Variants in PSMD11 observed in about 807,000 individuals in gnomAD.
PSMD11 encodes proteasome 26S subunit, non-ATPase 11, also known as 26S proteasome non-ATPase regulatory subunit 11.
A neutral mutation model predicts 62.3 loss-of-function variants in PSMD11; 5 were observed. The observed-to-expected ratio is 0.08, with a 90% CI of 0.04 to 0.17. The LOEUF is 0.17. Ranked by LOEUF, PSMD11 falls within the 10% of genes least tolerant of loss-of-function variation. The pLI is 1.00. For synonymous variants in PSMD11, 191 were observed against 191.8 expected, an observed-to-expected ratio of 1.00 and a Z score of 0.03; for missense variants, 310 against 512.9, an observed-to-expected ratio of 0.60 and a Z score of 3.82.
intron 9 of PSMD11, 49 bp downstream of exon 9, chr17:32,477,632 G>A (rs768576284): frequency 7.5e-6 from 11 of 1,457,472 alleles, no homozygotes; most frequent in Middle Eastern, 1.7e-4. Flanking sequence ...AGAGAGGGAC[G>A]TTTAAGTACT....
chr17:32,450,119 C>G (rs561459875), intron 2 of PSMD11, among the ~76,000 whole-genome samples: 5 of 152,238 alleles, frequency 3.3e-5, no homozygotes, highest in African/African-American at 1.2e-4. Flanking sequence ...CACCACCACC[C>G]CCGGTTAATT....
chr17:32,468,311 C>G (rs1908057087), intron 5 of PSMD11, among the ~76,000 whole-genome samples: 1 of 151,884 alleles, frequency 6.6e-6, no homozygotes, highest in Non-Finnish European at 1.5e-5. Flanking sequence ...CGATGACGTC[C>G]TTTGAAGTAC....
At chr17:32,453,835 G>C (rs1041134984) in intron 2 of PSMD11, among the ~76,000 whole-genome samples, 1 of 152,142 alleles carries the variant, frequency 6.6e-6, no homozygotes, top group African/African-American at 2.4e-5. Context: ...CTCTGTGATG[G>C]ATCCCTTTTT....
Position 32,454,697 on chromosome 17 carries a change from T to C in PSMD11, c.318+78T>C, listed in dbSNP as rs143100533. The C allele has an allele frequency of 1.8e-3, 2,623 of 1,493,636 alleles. 12 individuals are homozygous for C. The highest frequency in any genetic ancestry group is 1.6e-3 in the Non-Finnish European group (1,785 of 1,093,318). The allele number at this position is 1,493,636 out of a possible 1,614,324, so 92.5% of individuals were successfully genotyped here. ...AAGAAAGAAATGCCTACCTGCACTT[T>C]AGTACTAATGTGGAAGGGAAAACTG... On this transcript the variant is annotated intron_variant, in intron 3 of 13. Coordinates refer to ENST00000261712, the MANE Select transcript of PSMD11 (RefSeq NM_002815.4).
At chr17:32,461,416 C>T (rs564183211) in intron 3 of PSMD11, among the ~76,000 whole-genome samples, 1 of 151,714 alleles carries the variant, frequency 6.6e-6, no homozygotes, top group Non-Finnish European at 1.5e-5. Context: ...ACTAAAAATA[C>T]GAAAGTTAGC....
At chr17:32,477,729 C>A in intron 9 of PSMD11, 146 bp downstream of exon 9, 1 of 558,382 alleles carries the variant, frequency 1.8e-6, no homozygotes. Flanking sequence ...GTATTAAAAC[C>A]AGGAAATAGT....
rs763761104 is a variant in PSMD11, at chr17:32,473,935, A to G, written c.778A>G (p.Met260Val). 9.9e-6 allele frequency: 16 copies of G among 1,614,050 alleles called. No homozygotes were observed. Among genetic ancestry groups the G allele is most frequent in the Admixed American group, 3.3e-5 (2 of 60,000 alleles). ...GAAGTACATGTTGCTGTGCAAAATC[A>G]TGCTCAACACGTAGGTGCACCTTAA... Reference protein sequence around the residue: ...SLKYMLLCKIMLNTPEDVQAL... With the variant: ...SLKYMLLCKIVLNTPEDVQAL... The change falls in exon 7 of 14, where the codon ATG becomes GTG. Residue 260 changes from methionine to valine, a missense_variant. This residue lies in a region of PSMD11 where 47 missense variants were observed against 117.7 expected (regional missense o/e 0.40). Transcript: ENST00000261712.
chr17:32,474,832 C>T lies in PSMD11; in HGVS notation c.849+8C>T. On this transcript the variant is annotated splice_region_variant and intron_variant, in intron 8 of 13. Coordinates refer to ENST00000261712, the MANE Select transcript of PSMD11 (RefSeq NM_002815.4). ...CGGTATGCAGGGAGGCAGGTAGGGA[C>T]TCCCTTGACTGCAGTTCTGCTCACT... 6.2e-7 allele frequency: 1 copy of T among 1,612,432 alleles called. No homozygotes were observed. Among genetic ancestry groups the T allele is most frequent in the Middle Eastern group, 1.7e-4 (1 of 6,060 alleles).
rs377580898 is a variant in PSMD11 at position 32,464,113 on chromosome 17, C to T, written c.383C>T (p.Ala128Val). The part of the protein sequence containing the change: ...KSEKRTFLRQ[A>V]LEARLVSLYF... ...GAGAAAAGAACTTTCTTACGCCAAG[C>T]TTTGGAGGTAGGTTTTACATTAGTA... is the stretch of plus-strand genomic sequence containing the variant. The change falls in exon 4 of 14, where the codon GCT becomes GTT. Residue 128 changes from alanine to valine, a missense_variant. This residue lies in a region of PSMD11 where 47 missense variants were observed against 59.0 expected (regional missense o/e 0.80). Coordinates refer to ENST00000261712, the MANE Select transcript of PSMD11 (RefSeq NM_002815.4). The T allele has an allele frequency of 1.2e-6, 2 of 1,613,536 alleles. No individual in the cohort carries two copies. Among genetic ancestry groups the T allele is most frequent in the Non-Finnish European group, 1.7e-6 (2 of 1,179,612 alleles).
chr17:32,456,588 G>GTT (rs1298464095), intron 3 of PSMD11, among the ~76,000 whole-genome samples: 12 of 152,250 alleles, frequency 7.9e-5, no homozygotes, highest in African/African-American at 2.9e-4. Flanking sequence ...GGAGTGCAGT[G>GTT]GCACGATCTC....
intron 6 of PSMD11, among the ~76,000 whole-genome samples, chr17:32,470,612 C>G (rs1908137899): frequency 6.6e-6 from 1 of 152,234 alleles, no homozygotes; most frequent in Non-Finnish European, 1.5e-5. Context: ...CAATAAACCT[C>G]ATGTGCCAGC....
In PSMD11 at chr17:32,469,202, C is replaced by T. The variant is rs763055433; in HGVS notation, c.643+9C>T. 4.5e-5 allele frequency: 72 copies of T among 1,608,010 alleles called. No homozygotes were observed. Among genetic ancestry groups the T allele is most frequent in the South Asian group, 8.8e-5 (8 of 90,748 alleles). On this transcript the variant is annotated intron_variant, in intron 6 of 13. Coordinates refer to ENST00000261712, the MANE Select transcript of PSMD11 (RefSeq NM_002815.4). ...CTTGGACATGCAGTCGGGTAACAGA[C>T]GTAGCTATTCCTGGGATGTGTTTTC...
At chr17:32,474,853 T>C in intron 8 of PSMD11, 29 bp downstream of exon 8, 2 of 1,596,162 alleles carry the variant, frequency 1.3e-6, no homozygotes, top group South Asian at 1.1e-5. Context: ...GCAGTTCTGC[T>C]CACTCTGAGA....
intron 3 of PSMD11, among the ~76,000 whole-genome samples, chr17:32,458,250 CCTT>C (rs1227679707): frequency 6.6e-6 from 1 of 152,202 alleles, no homozygotes; most frequent in Non-Finnish European, 1.5e-5. Flanking sequence ...ACAACTCAAA[CCTT>C]CAGTGGCTTT....
At position 32,469,059 on chromosome 17, in the gene PSMD11, A is replaced by G; in HGVS notation, c.509A>G (p.Gln170Arg). 6.2e-7 allele frequency: 1 copy of G among 1,614,152 alleles called. No individual in the cohort carries two copies. ...MDDKALLVEV[Q>R]LLESKTYHAL... ...GACAAAGCTCTTTTGGTGGAAGTACAGCTTTTAGAAAGCAAAACATACCAT... is the reference window on the plus strand; with the variant it reads ...GACAAAGCTCTTTTGGTGGAAGTACGGCTTTTAGAAAGCAAAACATACCAT... The change falls in exon 6 of 14, where the codon CAG (glutamine) becomes CGG (arginine). Residue 170 changes from glutamine to arginine, a missense_variant. Physicochemically the swap from Gln to Arg is conservative, Grantham distance 43. Transcript: ENST00000261712.
rs1908552894 is a variant in PSMD11, at chr17:32,483,049, C to G, written c.*2297C>G. On this transcript the variant is annotated 3_prime_UTR_variant, in exon 14 of 14. Coordinates refer to ENST00000261712, the MANE Select transcript of PSMD11 (RefSeq NM_002815.4). ...GTCCTGAGATGCTCAGGCAGTAGCC[C>G]TTTTCTCAGTTCCCTTTGCGGGTCT... 6.6e-6 allele frequency: 1 copy of G among 152,152 alleles called. No individual in the cohort carries two copies. The highest frequency in any genetic ancestry group is 1.5e-5 in the Non-Finnish European group (1 of 68,018). 9.4% of individuals were successfully genotyped at this position (152,152 alleles called of 1,614,324 possible). A position where few individuals can be genotyped will look rare whatever the true frequency, so the allele number is the denominator to read the frequency against.
chr17:32,451,497 G>T (rs909429451), intron 2 of PSMD11, among the ~76,000 whole-genome samples: 6 of 152,154 alleles, frequency 3.9e-5, no homozygotes, highest in African/African-American at 1.4e-4. Context: ...TCATGGAGAG[G>T]TATAAGGAAG....
chr17:32,463,465 A>G (rs375860186), intron 3 of PSMD11: 1 of 152,714 alleles, frequency 6.5e-6, no homozygotes, highest in Non-Finnish European at 1.5e-5. Flanking sequence ...GAGATTACTC[A>G]TTACCTTCAG....
intron 6 of PSMD11, among the ~76,000 whole-genome samples, chr17:32,470,754 T>A (rs1908141785): frequency 6.6e-6 from 1 of 152,222 alleles, no homozygotes; most frequent in Non-Finnish European, 1.5e-5. Flanking sequence ...TTATTCTCTC[T>A]CTATACTGGG....
Sources: allele counts gnomAD v4.1 joint callset (sites outside exome capture counted in the v4.1 genomes callset), GRCh38; gene constraint gnomAD v4.1.1; regional missense constraint gnomAD v4.1.1; transcripts MANE v1.5; gene names NCBI Gene and HGNC (gene_info 2026-07-23, HGNC 2026-07-21).